The following GRM7 variants were observed in gnomAD, a reference collection of about 807,000 sequenced individuals.
GRM7 encodes the protein glutamate metabotropic receptor 7.
A neutral mutation model predicts 84.5 loss-of-function variants in GRM7; 35 were observed. That is an observed-to-expected ratio of 0.41 (90% CI 0.32 to 0.55). The LOEUF (loss-of-function observed/expected upper bound fraction) is 0.55. GRM7 is among the 20% of genes least tolerant of loss of function. The pLI is 0.19. For missense variants in GRM7, 1,003 were observed against 1,194.6 expected (o/e 0.84, Z 2.36); for synonymous variants, 487 against 455.1 (o/e 1.07, Z -0.89).
chr3:7,211,798 G>A (rs1039004754), intron 2 of GRM7, among the ~76,000 whole-genome samples: 2 of 152,126 alleles, frequency 1.3e-5, no homozygotes, highest in Admixed American at 6.6e-5. Flanking sequence ...AATTAATGAG[G>A]AATGTAAGGG....
chr3:7,205,650 A>G (rs1190395174), intron 2 of GRM7, among the ~76,000 whole-genome samples: 2 of 152,342 alleles, frequency 1.3e-5, no homozygotes, highest in Non-Finnish European at 2.9e-5. Context: ...AAATACAACA[A>G]AGCTGTTCAG....
intron 2 of GRM7, among the ~76,000 whole-genome samples, chr3:7,243,834 C>A (rs551003441): frequency 1.2e-3 from 182 of 152,224 alleles, no homozygotes; most frequent in Non-Finnish European, 1.9e-3. Context: ...TCCTAGGCTA[C>A]AAACCTGTAT....
intron 9 of GRM7, among the ~76,000 whole-genome samples, chr3:7,710,034 C>T (rs907406214): frequency 5.6e-4 from 85 of 152,050 alleles, no homozygotes; most frequent in African/African-American, 2.0e-3. Context: ...TGCTGCCCCA[C>T]TTCTTGGGAT....
intron 4 of GRM7, among the ~76,000 whole-genome samples, chr3:7,328,530 C>T (rs563781422): frequency 6.6e-6 from 1 of 152,244 alleles, no homozygotes; most frequent in South Asian, 2.1e-4. Context: ...AGATGTGATA[C>T]CTGGAGCTGC....
intron 8 of GRM7, among the ~76,000 whole-genome samples, chr3:7,626,611 A>T (rs1697625860): frequency 6.6e-6 from 1 of 152,166 alleles, no homozygotes; most frequent in Admixed American, 6.5e-5. Context: ...TTCTTATGAA[A>T]AGCATGACTC....
intron 4 of GRM7, among the ~76,000 whole-genome samples, chr3:7,412,334 G>A (rs745566700): frequency 6.6e-6 from 1 of 152,174 alleles, no homozygotes; most frequent in Non-Finnish European, 1.5e-5. Context: ...GCCACAGGAA[G>A]CGCCATCAAT....
Position 6,863,104 on chromosome 3 carries a change from TTCTG to T in GRM7, c.519+1201_519+1204del, listed in dbSNP as rs1559291667. 2.6e-6 allele frequency: 1 copy of T among 385,182 alleles called. No homozygotes were observed. Among genetic ancestry groups the T allele is most frequent in the Non-Finnish European group, 5.1e-6 (1 of 195,624 alleles). The allele number at this position is 385,182 out of a possible 1,614,324, so 23.9% of individuals were successfully genotyped here. A position where few individuals can be genotyped will look rare whatever the true frequency, so the allele number is the denominator to read the frequency against. ...TCCCTATATGTGCATCACTCTCTCT[TTCTG>T]TCTCTGTCTCCTTGCTGTTTTTTTT... On this transcript the variant is annotated intron_variant, in intron 1 of 9. Coordinates refer to ENST00000357716, the MANE Select transcript of GRM7 (RefSeq NM_000844.4). This position sits in a 1 kb window ranked among gnomAD's most constrained non-coding sequence, Gnocchi z 4.8.
At chr3:7,561,162 C>T (rs535042976) in intron 7 of GRM7, among the ~76,000 whole-genome samples, 8 of 152,070 alleles carry the variant, frequency 5.3e-5, no homozygotes, top group South Asian at 2.1e-4. Context: ...TGCTTTCTTG[C>T]GTTTTCTCAA....
At chr3:7,518,445 A>G (rs1700472368) in intron 7 of GRM7, among the ~76,000 whole-genome samples, 2 of 152,220 alleles carry the variant, frequency 1.3e-5, no homozygotes, top group South Asian at 2.1e-4. Context: ...ACAAGAGTAT[A>G]AGAAGGTTTC....
At chr3:7,735,385 G>C (rs1200121444) in intron 9 of GRM7, among the ~76,000 whole-genome samples, 10 of 74,482 alleles carry the variant, frequency 1.3e-4, no homozygotes, top group Non-Finnish European at 2.5e-4. Context: ...CCACTAAAAA[G>C]GGGAGCAGGA....
chr3:7,599,187 C>T (rs1696192678), intron 8 of GRM7, among the ~76,000 whole-genome samples: 2 of 152,164 alleles, frequency 1.3e-5, no homozygotes, highest in African/African-American at 4.8e-5. Context: ...CCATAATGCA[C>T]TGAGAGTACC....
intron 1 of GRM7, among the ~76,000 whole-genome samples, chr3:7,121,083 G>C (rs1181343484): frequency 6.6e-6 from 1 of 152,000 alleles, no homozygotes; most frequent in Non-Finnish European, 1.5e-5. Context: ...GACATATATA[G>C]ATTTCAATAA....
intron 1 of GRM7, among the ~76,000 whole-genome samples, chr3:6,898,867 C>A (rs1696286349): frequency 6.6e-6 from 1 of 151,830 alleles, no homozygotes; most frequent in Non-Finnish European, 1.5e-5. Context: ...AGCACTGGAG[C>A]ACTGATAAGA....
intron 9 of GRM7, chr3:7,686,460 A>G (rs1482669045): frequency 8.5e-7 from 1 of 1,171,658 alleles, no homozygotes; most frequent in Non-Finnish European, 1.3e-6. Flanking sequence ...TAAGAAAACA[A>G]TCTAATTCTT....
At chr3:6,955,891 T>C (rs939960451) in intron 1 of GRM7, among the ~76,000 whole-genome samples, 5 of 151,924 alleles carry the variant, frequency 3.3e-5, no homozygotes, top group Non-Finnish European at 7.4e-5. Context: ...AATGTGACCG[T>C]TGAAATTATG....
rs1407599529 is a variant in GRM7 at position 7,628,316 on chromosome 3, C to T, written c.2451+48959C>T. 2.0e-5 allele frequency among the ~76,000 whole-genome samples: 3 copies of T among 152,078 alleles called. No homozygotes were observed. In the East Asian group the frequency reaches 5.8e-4, roughly 29 times the overall value. On this transcript the variant is annotated intron_variant, in intron 8 of 9. Transcript: ENST00000357716. The stretch of plus-strand genomic sequence containing the variant: ...CAGGTAAAATCTTTGTTCTAACAGC[C>T]TTCATTATATTTCACAGCTTGCCCA...
At chr3:7,342,610 A>T (rs1316065350) in intron 4 of GRM7, among the ~76,000 whole-genome samples, 7 of 152,190 alleles carry the variant, frequency 4.6e-5, no homozygotes, top group Non-Finnish European at 2.9e-5. Flanking sequence ...CTACTTTAAA[A>T]TTACCTACAG....
chr3:6,941,027 A>C (rs1165721265), intron 1 of GRM7, among the ~76,000 whole-genome samples: 1 of 152,188 alleles, frequency 6.6e-6, no homozygotes, highest in Non-Finnish European at 1.5e-5. Context: ...GTGGCCACTT[A>C]AGCCTCCATC....
chr3:7,343,031 A>G (rs1204918974), intron 4 of GRM7, among the ~76,000 whole-genome samples: 6 of 152,146 alleles, frequency 3.9e-5, no homozygotes, highest in Admixed American at 6.6e-5. Flanking sequence ...ATGTTTACTA[A>G]TATTACTTAT....
Sources: gnomAD v4.1 joint callset for allele counts (sites outside exome capture counted in the v4.1 genomes callset) on GRCh38, gnomAD v4.1.1 for gene constraint, Gnocchi (gnomAD v3.1) non-coding constraint, MANE v1.5 for transcripts, NCBI Gene and HGNC (gene_info 2026-07-23, HGNC 2026-07-21) for gene names.